GLRB: variants seen among roughly 807,000 people sequenced by gnomAD.
GLRB encodes glycine receptor beta.
Under a neutral mutation model 54.2 loss-of-function variants are expected in GLRB, and 33 were observed. The ratio of observed to expected loss-of-function variants is 0.61; its 90% CI spans 0.46 to 0.81. GLRB has a LOEUF of 0.81. Among genes scored for constraint, GLRB ranks in the 40% least tolerant of loss-of-function variants. The probability of loss-of-function intolerance (pLI) is 0.00; values close to 1 mark genes in which losing one functional copy is unlikely to be tolerated. For missense variants in GLRB, 572 were observed against 584.6 expected (o/e 0.98, Z 0.22); for synonymous variants, 209 against 208.2 (o/e 1.00, Z -0.03).
chr4:157,147,649 G>GA (rs1261920510), intron 8 of GLRB, among the ~76,000 whole-genome samples: 1 of 152,178 alleles, frequency 6.6e-6, no homozygotes, highest in Non-Finnish European at 1.5e-5. Context: ...AGTAGTGAAG[G>GA]AAAAACTGAG....
intron 2 of GLRB, among the ~76,000 whole-genome samples, chr4:157,110,847 T>A (rs1018099085): frequency 1.3e-5 from 2 of 152,010 alleles, no homozygotes; most frequent in Admixed American, 6.6e-5. Flanking sequence ...CTGCCTTTTT[T>A]AAAGTGGCTC....
intron 2 of GLRB, among the ~76,000 whole-genome samples, chr4:157,096,318 CA>C (rs1337886352): frequency 1.3e-5 from 2 of 152,062 alleles, no homozygotes; most frequent in African/African-American, 4.8e-5. Context: ...CTGAAAGTGC[CA>C]GGGGGTACTT....
chr4:157,080,250 T>A (rs886262646), intron 2 of GLRB, among the ~76,000 whole-genome samples: 1 of 152,166 alleles, frequency 6.6e-6, no homozygotes, highest in African/African-American at 2.4e-5. Flanking sequence ...AGACCCAACA[T>A]ATACCTGTTA....
At chr4:157,155,555 T>A (rs1185334765) in intron 9 of GLRB, among the ~76,000 whole-genome samples, 3 of 152,256 alleles carry the variant, frequency 2.0e-5, no homozygotes, top group African/African-American at 7.2e-5. Flanking sequence ...AGATGTAGGA[T>A]TGTAAGGTTA....
intron 4 of GLRB, among the ~76,000 whole-genome samples, chr4:157,124,454 T>C (rs938134865): frequency 6.6e-6 from 1 of 151,838 alleles, no homozygotes; most frequent in Non-Finnish European, 1.5e-5. Context: ...AAATTAGCAA[T>C]AATGTATTCT....
chr4:157,143,401 G>T lies in GLRB; in HGVS notation c.752-406G>T, dbSNP rs937890495. ...AATTATACTGATAATGTGTAGTCCC[G>T]GAGTGTTTCTTTTTAAGATTTGTTC... On this transcript the variant is annotated intron_variant, in intron 7 of 9. Coordinates refer to ENST00000264428, the MANE Select transcript of GLRB (RefSeq NM_000824.5). 5.3e-5 allele frequency among the ~76,000 whole-genome samples: 8 copies of T among 151,418 alleles called. No homozygotes were observed. The East Asian group carries it at 1.2e-3, about 22-fold the overall frequency.
At position 157,113,283 on chromosome 4, in the gene GLRB, TGGGCCA is replaced by T. The variant is rs1476530728; in HGVS notation, c.123-7270_123-7265del. The stretch of plus-strand genomic sequence containing the variant: ...GTCGTAACTATGGATTTGTACTTGC[TGGGCCA>T]GGATGTAATTCTATTCTGTAGAGTA... On this transcript the variant is annotated intron_variant, in intron 2 of 9. Transcript: ENST00000264428. 2.6e-5 allele frequency among the ~76,000 whole-genome samples: 4 copies of T among 151,960 alleles called. No individual in the cohort carries two copies. In the East Asian group the frequency reaches 7.8e-4, roughly 30 times the overall value.
chr4:157,086,925 C>T (rs1322247971), intron 2 of GLRB, among the ~76,000 whole-genome samples: 1 of 152,092 alleles, frequency 6.6e-6, no homozygotes, highest in Non-Finnish European at 1.5e-5. Flanking sequence ...CCCTTTTGTG[C>T]ATACTTGATG....
chr4:157,169,262 C>T (rs1737829325), intron 9 of GLRB, among the ~76,000 whole-genome samples: 1 of 152,000 alleles, frequency 6.6e-6, no homozygotes, highest in African/African-American at 2.4e-5. Context: ...AGTGAAGATT[C>T]TGAAGGTGAA....
At chr4:157,129,602 C>T (rs2126550332) in intron 4 of GLRB, among the ~76,000 whole-genome samples, 1 of 151,832 alleles carries the variant, frequency 6.6e-6, no homozygotes, top group African/African-American at 2.4e-5. Flanking sequence ...ATCTTTGAAG[C>T]ACTTTCATAA....
At chr4:157,153,215 T>C (rs1737094128) in intron 9 of GLRB, among the ~76,000 whole-genome samples, 2 of 152,140 alleles carry the variant, frequency 1.3e-5, no homozygotes, top group Admixed American at 1.3e-4. Flanking sequence ...CGAATACCAC[T>C]TAAGGAAAAA....
chr4:157,116,994 A>G (rs1428198515), intron 2 of GLRB, among the ~76,000 whole-genome samples: 1 of 151,728 alleles, frequency 6.6e-6, no homozygotes, highest in Non-Finnish European at 1.5e-5. Flanking sequence ...GATTTTCAAA[A>G]GATTTTTGTC....
chr4:157,139,643 A>G (rs1192833316), intron 7 of GLRB, among the ~76,000 whole-genome samples: 2 of 151,966 alleles, frequency 1.3e-5, no homozygotes, highest in African/African-American at 2.4e-5. Context: ...TTAGATACTG[A>G]ATATAGTGTT....
intron 8 of GLRB, among the ~76,000 whole-genome samples, chr4:157,144,962 A>G (rs1319141444): frequency 1.3e-5 from 2 of 152,248 alleles, no homozygotes; most frequent in African/African-American, 4.8e-5. Context: ...GAGAAATTTC[A>G]TCATGGATAA....
In GLRB at chr4:157,143,810, A is replaced by G; in HGVS notation, c.755A>G (p.Tyr252Cys). ...NCTKYYKGTG[Y>C]YTCVEVIFTL... ...TGAATGTGTTTGCTTCTGAAAGGCT[A>G]CTACACATGCGTGGAAGTCATCTTC... The change falls in exon 8 of 10, where the codon TAC (tyrosine) becomes TGC (cysteine). Residue 252 changes from tyrosine to cysteine, a missense_variant. Coordinates refer to ENST00000264428, the MANE Select transcript of GLRB (RefSeq NM_000824.5). 1.2e-6 allele frequency: 2 copies of G among 1,612,920 alleles called. No homozygotes were observed. Among genetic ancestry groups the G allele is most frequent in the Non-Finnish European group, 1.7e-6 (2 of 1,179,732 alleles).
At chr4:157,156,182 C>A (rs1274650194) in intron 9 of GLRB, among the ~76,000 whole-genome samples, 1 of 152,072 alleles carries the variant, frequency 6.6e-6, no homozygotes, top group Admixed American at 6.6e-5. Flanking sequence ...CTATAGATTG[C>A]TTTGGGCAGT....
At chr4:157,111,124 A>T (rs1735403093) in intron 2 of GLRB, among the ~76,000 whole-genome samples, 1 of 151,936 alleles carries the variant, frequency 6.6e-6, no homozygotes, top group African/African-American at 2.4e-5. Flanking sequence ...GGGCCCTATC[A>T]GTGCTCTGAG....
chr4:157,098,664 G>C (rs1579195987), intron 2 of GLRB, among the ~76,000 whole-genome samples: 2 of 152,078 alleles, frequency 1.3e-5, no homozygotes, highest in Admixed American at 1.3e-4. Context: ...CTGGAGGGCA[G>C]TGGCATGATC....
chr4:157,113,794 C>G (rs1434406605), intron 2 of GLRB, among the ~76,000 whole-genome samples: 1 of 151,894 alleles, frequency 6.6e-6, no homozygotes, highest in Non-Finnish European at 1.5e-5. Context: ...CTTTGCCACA[C>G]ACATACACAC....
Sources: gnomAD v4.1 joint callset for allele counts (sites outside exome capture counted in the v4.1 genomes callset) on GRCh38, gnomAD v4.1.1 for gene constraint, MANE v1.5 for transcripts, NCBI Gene and HGNC (gene_info 2026-07-23, HGNC 2026-07-21) for gene names.